The following STIMATE variants were observed in gnomAD, a reference collection of about 807,000 sequenced individuals.
STIMATE encodes the protein STIM activating enhancer, also known as store-operated calcium entry regulator STIMATE.
STIMATE carries 15 observed loss-of-function variants against 36.7 expected under a neutral mutation model. The observed-to-expected ratio is 0.41, with a 90% CI of 0.27 to 0.63. The LOEUF (loss-of-function observed/expected upper bound fraction) is 0.63. Among genes scored for constraint, STIMATE ranks in the 20% least tolerant of loss-of-function variants. STIMATE has a pLI of 0.32. For synonymous variants in STIMATE, 163 were observed against 162.3 expected (o/e 1.00, Z -0.03); for missense variants, 305 against 397.3 (o/e 0.77, Z 1.98).
At chr3:52,842,083 G>C (rs909058399) in intron 7 of STIMATE, among the ~76,000 whole-genome samples, 1 of 152,196 alleles carries the variant, frequency 6.6e-6, no homozygotes, top group African/African-American at 2.4e-5. Context: ...GTGTCATGAC[G>C]AAATACTTAT....
chr3:52,881,851 C>T (rs1575347117), intron 1 of STIMATE, among the ~76,000 whole-genome samples: 1 of 152,174 alleles, frequency 6.6e-6, no homozygotes, highest in African/African-American at 2.4e-5. Context: ...TGCATACAAG[C>T]CTAGAATAGT....
intron 4 of STIMATE, among the ~76,000 whole-genome samples, chr3:52,849,208 G>A (rs894291327): frequency 1.3e-5 from 2 of 152,198 alleles, no homozygotes; most frequent in Non-Finnish European, 2.9e-5. Context: ...CAGACACCTG[G>A]GGCCAGCTGT....
In STIMATE at chr3:52,842,979, C is replaced by A. The variant is rs1430689438; in HGVS notation, c.619-19G>T. On this transcript the variant is annotated intron_variant, in intron 6 of 7. Coordinates refer to ENST00000355083, the MANE Select transcript of STIMATE (RefSeq NM_198563.5). ...TCAAAGCCTGTGGGAAGGAAAAGTG[C>A]AGGTTACTTTGGGATAAACCATTTT... The A allele has an allele frequency of 6.2e-7, 1 of 1,614,008 alleles. No homozygotes were observed. Among genetic ancestry groups the A allele is most frequent in the Non-Finnish European group, 8.5e-7 (1 of 1,179,990 alleles).
intron 1 of STIMATE, among the ~76,000 whole-genome samples, chr3:52,857,242 C>A (rs1050893415): frequency 1.3e-5 from 2 of 152,150 alleles, no homozygotes; most frequent in Non-Finnish European, 2.9e-5. Context: ...GAGAGATCAA[C>A]GAGCAGGTGA....
chr3:52,857,309 C>A (rs540649293), intron 1 of STIMATE, among the ~76,000 whole-genome samples: 60 of 152,264 alleles, frequency 3.9e-4, no homozygotes, highest in African/African-American at 1.3e-3. Flanking sequence ...ACCTCAACAA[C>A]GCCAGAGAAT....
intron 3 of STIMATE, among the ~76,000 whole-genome samples, chr3:52,850,156 C>T (rs1056181301): frequency 2.0e-4 from 30 of 152,176 alleles, no homozygotes; most frequent in Non-Finnish European, 3.1e-4. Flanking sequence ...GTGCTGGCTG[C>T]GCGCGGTGGC....
intron 1 of STIMATE, among the ~76,000 whole-genome samples, chr3:52,887,994 G>GTCTTTTTTTTTTTTTTTTTTTTT (rs1701717262): frequency 1.9e-5 from 1 of 52,694 alleles, no homozygotes; most frequent in Non-Finnish European, 3.4e-5. Flanking sequence ...AACAGAATCA[G>GTCTTTTTTTTTTTTTTTTTTTTT]TTTTTTTTTT....
chr3:52,891,582 A>G (rs1436052898), intron 1 of STIMATE, among the ~76,000 whole-genome samples: 1 of 152,220 alleles, frequency 6.6e-6, no homozygotes, highest in Non-Finnish European at 1.5e-5. Flanking sequence ...TAGGTCAAGG[A>G]AGATTATTTT....
At chr3:52,881,253 A>AG (rs1235037603) in intron 1 of STIMATE, among the ~76,000 whole-genome samples, 1 of 152,090 alleles carries the variant, frequency 6.6e-6, no homozygotes, top group East Asian at 1.9e-4. Context: ...AGGCTTGCTA[A>AG]GGGTAAGGCA....
rs11373519 is a variant in STIMATE at position 52,838,807 on chromosome 3, C to CA, written c.*1686_*1687insT. The stretch of plus-strand genomic sequence containing the variant: ...TGGTTTAACAGCTGGGTTCATGCGC[C>CA]CAATTCGGACCCAATGTGCTTAAGT... On this transcript the variant is annotated 3_prime_UTR_variant, in exon 8 of 8. Transcript: ENST00000355083. 0.9 allele frequency: 136,700 copies of CA among 152,228 alleles called. 63,253 individuals carry two copies. The highest frequency in any genetic ancestry group is 1 in the East Asian group (5,184 of 5,188). 9.4% of individuals were successfully genotyped at this position (152,228 alleles called of 1,614,324 possible).
At chr3:52,895,108 C>T (rs192091407) in intron 1 of STIMATE, among the ~76,000 whole-genome samples, 1 of 152,212 alleles carries the variant, frequency 6.6e-6, no homozygotes, top group Non-Finnish European at 1.5e-5. Flanking sequence ...CCAAATGGCT[C>T]GCAGATGTAC....
At chr3:52,879,735 T>C (rs1027639744) in intron 1 of STIMATE, among the ~76,000 whole-genome samples, 2 of 152,198 alleles carry the variant, frequency 1.3e-5, no homozygotes, top group Non-Finnish European at 2.9e-5. Flanking sequence ...ATGGAAGTCA[T>C]AAAAGGCACC....
At chr3:52,852,139 T>G (rs1701011480) in intron 3 of STIMATE, among the ~76,000 whole-genome samples, 1 of 152,152 alleles carries the variant, frequency 6.6e-6, no homozygotes, top group South Asian at 2.1e-4. Flanking sequence ...TGGATTGCTC[T>G]GGGGGCTGCA....
At chr3:52,840,662 A>T in intron 7 of STIMATE, 52 bp from the exon 8 acceptor site, 2 of 1,527,746 alleles carry the variant, frequency 1.3e-6, no homozygotes, top group Non-Finnish European at 1.8e-6. Context: ...GGCCTTCTTC[A>T]TTTGCCCTCC....
intron 1 of STIMATE, among the ~76,000 whole-genome samples, chr3:52,869,742 A>G (rs1257175354): frequency 6.6e-6 from 1 of 152,220 alleles, no homozygotes; most frequent in Non-Finnish European, 1.5e-5. Flanking sequence ...CTGAACAAAC[A>G]GAGCAGAACA....
At chr3:52,885,367 CTTAAT>C (rs1295443781) in intron 1 of STIMATE, among the ~76,000 whole-genome samples, 1 of 152,148 alleles carries the variant, frequency 6.6e-6, no homozygotes, top group East Asian at 1.9e-4. Context: ...CCTATTTCCA[CTTAAT>C]TTTTGTATAT....
At chr3:52,858,697 T>G (rs140172293) in intron 1 of STIMATE, among the ~76,000 whole-genome samples, 3 of 152,184 alleles carry the variant, frequency 2.0e-5, no homozygotes, top group East Asian at 3.8e-4. Context: ...TAATCTGCAA[T>G]GAATGCACTG....
Position 52,840,473 on chromosome 3 carries a change from CA to C in STIMATE, c.*20del. On this transcript the variant is annotated 3_prime_UTR_variant, in exon 8 of 8. Coordinates refer to ENST00000355083, the MANE Select transcript of STIMATE (RefSeq NM_198563.5). Reference sequence around the variant, plus strand: ...CCAGCGGCTGGCGGGGCCCTCCCGTCACCCCCAGCATGGGAATGTGTCATAC... The same window carrying C: ...CCAGCGGCTGGCGGGGCCCTCCCGTCCCCCCAGCATGGGAATGTGTCATAC... 1 of 1,612,396 alleles carries C rather than the reference CA, an allele frequency of 6.2e-7. No homozygotes were observed. Among genetic ancestry groups the C allele is most frequent in the African/African-American group, 1.3e-5 (1 of 75,000 alleles).
chr3:52,858,417 G>C (rs562866867), intron 1 of STIMATE, among the ~76,000 whole-genome samples: 8 of 152,186 alleles, frequency 5.3e-5, no homozygotes, highest in African/African-American at 1.9e-4. Context: ...GAGCCCAGGA[G>C]TTTGAGACCA....
Sources: gnomAD v4.1 joint callset for allele counts (sites outside exome capture counted in the v4.1 genomes callset) on GRCh38, gnomAD v4.1.1 for gene constraint, MANE v1.5 for transcripts, NCBI Gene and HGNC (gene_info 2026-07-23, HGNC 2026-07-21) for gene names.